Variants in ZNF35 observed in about 807,000 individuals in gnomAD.
ZNF35 encodes the protein zinc finger protein 35.
In ZNF35, 31 loss-of-function variants were observed where a neutral mutation model predicts 45.9. The ratio of observed to expected loss-of-function variants is 0.68; its 90% CI spans 0.51 to 0.91. The LOEUF (loss-of-function observed/expected upper bound fraction) is 0.91. Ranked by LOEUF, ZNF35 falls within the 40% of genes least tolerant of loss-of-function variation. ZNF35 has a pLI of 0.00. For missense variants in ZNF35, 515 were observed against 625.4 expected (o/e 0.82, Z 1.88); for synonymous variants, 205 against 220.2 (o/e 0.93, Z 0.61).
chr3:44,650,949 A>T lies in ZNF35; in HGVS notation c.-119A>T. 1.1e-6 allele frequency: 1 copy of T among 943,624 alleles called. No homozygotes were observed. The highest frequency in any genetic ancestry group is 1.6e-6 in the Non-Finnish European group (1 of 639,514). 58.5% of individuals were successfully genotyped at this position (943,624 alleles called of 1,614,324 possible). ...GTTTTCTGATTTCTCAGTAGGCAGT[A>T]CTCATCTTGGCCCTGGGAAGAAACT... On this transcript the variant is annotated 5_prime_UTR_variant, in exon 2 of 4. Coordinates refer to ENST00000396056, the MANE Select transcript of ZNF35 (RefSeq NM_003420.4).
chr3:44,655,954 T>G (rs1338880330), intron 3 of ZNF35, among the ~76,000 whole-genome samples: 1 of 152,218 alleles, frequency 6.6e-6, no homozygotes, highest in African/African-American at 2.4e-5. Flanking sequence ...AAAGTTTTCA[T>G]GGGCTCTGTT....
In ZNF35 at chr3:44,651,251, G is replaced by A. The variant is rs543753966; in HGVS notation, c.184G>A (p.Glu62Lys). The change falls in exon 2 of 4, where the codon GAA becomes AAA. Residue 62 changes from glutamate (E) to lysine (K), a missense_variant. Physicochemically the swap from Glu to Lys is moderately conservative, Grantham distance 56. This residue lies in a region of ZNF35 where 275 missense variants were observed against 295.7 expected (regional missense o/e 0.93). Coordinates refer to ENST00000396056, the MANE Select transcript of ZNF35 (RefSeq NM_003420.4). ...LQTGLDGSEEEEKGQNISWDM... is the reference protein window; with the variant it reads ...LQTGLDGSEEKEKGQNISWDM... Reference sequence around the variant, plus strand: ...GACAGGCCTTGATGGATCAGAAGAGGAAGAAAAGGTAAACGGGGGCCTGAG... The same window carrying A: ...GACAGGCCTTGATGGATCAGAAGAGAAAGAAAAGGTAAACGGGGGCCTGAG... 4.8e-5 allele frequency: 78 copies of A among 1,611,844 alleles called. No homozygotes were observed. In the South Asian group the frequency reaches 8.1e-4, roughly 17 times the overall value.
upstream of ZNF35, chr3:44,647,068 A>G (rs1490590516): frequency 2.6e-5 from 4 of 151,984 alleles, no homozygotes; most frequent in African/African-American, 9.7e-5. Flanking sequence ...GGGAAAAAAT[A>G]TTTGCAAATC....
At position 44,659,074 on chromosome 3, in the gene ZNF35, C is replaced by T. The variant is rs771002534; in HGVS notation, c.711C>T (p.Leu237=). ...CGKGFSQSAN[L]VVHQRIHTGE... ...AAGGATTTAGTCAGAGTGCAAACCT[C>T]GTTGTGCATCAGCGAATCCACACTG... The change falls in exon 4 of 4, where the codon CTC becomes CTT. Residue 237 remains leucine, a synonymous_variant. Transcript: ENST00000396056. This position sits in a 1 kb window ranked among gnomAD's most constrained non-coding sequence, Gnocchi z 4.3. 7.4e-6 allele frequency: 12 copies of T among 1,614,094 alleles called. No individual in the cohort carries two copies. Among genetic ancestry groups the T allele is most frequent in the East Asian group, 6.7e-5 (3 of 44,874 alleles).
chr3:44,653,014 G>A (rs6441863), intron 3 of ZNF35, among the ~76,000 whole-genome samples: 129,624 of 152,110 alleles, frequency 0.85, 55,302 homozygotes, highest in Middle Eastern at 0.93. Flanking sequence ...ATTTTACTAG[G>A]TGTTTATGTA....
At chr3:44,653,227 C>T (rs1397367785) in intron 3 of ZNF35, among the ~76,000 whole-genome samples, 2 of 152,146 alleles carry the variant, frequency 1.3e-5, no homozygotes, top group African/African-American at 4.8e-5. Context: ...CTTTAAGGCC[C>T]GCATTCCACT....
Position 44,659,887 on chromosome 3 carries a change from T to G in ZNF35, c.1524T>G (p.Gly508=). 6.2e-7 allele frequency: 1 copy of G among 1,601,200 alleles called. No individual in the cohort carries two copies. Among genetic ancestry groups the G allele is most frequent in the Non-Finnish European group, 8.5e-7 (1 of 1,173,490 alleles). Residue 508 remains glycine, a synonymous_variant, in exon 4 of 4, where the codon GGT becomes GGG. Transcript: ENST00000396056. This position sits in a 1 kb window ranked among gnomAD's most constrained non-coding sequence, Gnocchi z 4.3. ...GEKPYECEKC[G]AAFISNSHLM... ...AGCCCTATGAATGTGAGAAGTGTGG[T>G]GCAGCTTTCATTTCCAACTCACACC...
chr3:44,658,701 G>A lies in ZNF35; in HGVS notation c.338G>A (p.Gly113Asp), dbSNP rs773169032. ...TTGTATTTTCTGTTTCTTGGTTCAG[G>A]TGCTGAAACCAAGAACCTACAGTTA... ...LETHGTMNFL[G>D]AETKNLQLLV... The change falls in exon 4 of 4, where the codon GGT becomes GAT. Residue 113 changes from glycine to aspartate, a missense_variant and splice_region_variant. By Grantham distance (94) the Gly-to-Asp change is moderately conservative (BLOSUM62 -1). This residue lies in a region of ZNF35 where 275 missense variants were observed against 295.7 expected (regional missense o/e 0.93). Coordinates refer to ENST00000396056, the MANE Select transcript of ZNF35 (RefSeq NM_003420.4). The A allele has an allele frequency of 5.1e-5, 80 of 1,555,004 alleles. No individual in the cohort carries two copies. Among genetic ancestry groups the A allele is most frequent in the Non-Finnish European group, 6.7e-5 (78 of 1,159,712 alleles).
At position 44,649,587 on chromosome 3, in the gene ZNF35, A is replaced by G. The variant is rs74733381; in HGVS notation, c.-128+753A>G. 8.8e-3 allele frequency among the ~76,000 whole-genome samples: 1,343 copies of G among 152,332 alleles called. 22 individuals are homozygous for G. Among genetic ancestry groups the G allele is most frequent in the African/African-American group, 0.031 (1,285 of 41,574 alleles). On this transcript the variant is annotated intron_variant, in intron 1 of 3. Coordinates refer to ENST00000396056, the MANE Select transcript of ZNF35 (RefSeq NM_003420.4). ...AACCCTGCTGGCTTAGCTGTGATAA[A>G]GGGTTACTGTCAATTAGTGGGGGTG...
chr3:44,659,404 A>G lies in ZNF35; in HGVS notation c.1041A>G (p.Ser347=), dbSNP rs752520734. The G allele has an allele frequency of 3.7e-6, 6 of 1,611,796 alleles. No homozygotes were observed. The East Asian group carries it at 1.3e-4, about 36-fold the overall frequency. ...NECGKTFTRS[S]NLIVHQRIHT... is the part of the protein sequence containing the mutation. The stretch of plus-strand genomic sequence containing the variant: ...GTGGGAAAACATTTACTAGGAGCTC[A>G]AACCTCATTGTCCACCAGAGGATCC... Residue 347 remains serine, a synonymous_variant, in exon 4 of 4, where the codon TCA becomes TCG. Transcript: ENST00000396056. This position sits in a 1 kb window ranked among gnomAD's most constrained non-coding sequence, Gnocchi z 4.3.
At chr3:44,656,383 A>G (rs1192041308) in intron 3 of ZNF35, among the ~76,000 whole-genome samples, 2 of 148,130 alleles carry the variant, frequency 1.4e-5, no homozygotes. Context: ...GAAAAAGTTT[A>G]GCATTTCAGA....
rs1456341522 is a variant in ZNF35, at chr3:44,659,893, T to G, written c.1530T>G (p.Ala510=). ...KPYECEKCGA[A]FISNSHLMRH... is the part of the protein sequence containing the mutation. Reference sequence around the variant, plus strand: ...ATGAATGTGAGAAGTGTGGTGCAGCTTTCATTTCCAACTCACACCTCATGC... The same window carrying G: ...ATGAATGTGAGAAGTGTGGTGCAGCGTTCATTTCCAACTCACACCTCATGC... The change falls in exon 4 of 4, where the codon GCT becomes GCG. Residue 510 remains alanine (A), a synonymous_variant. Transcript: ENST00000396056. This position sits in a 1 kb window ranked among gnomAD's most constrained non-coding sequence, Gnocchi z 4.3. The G allele has an allele frequency of 6.3e-7, 1 of 1,598,120 alleles. No individual in the cohort carries two copies. The highest frequency in any genetic ancestry group is 1.1e-5 in the South Asian group (1 of 88,658).
At position 44,659,010 on chromosome 3, in the gene ZNF35, A is replaced by T. The variant is rs1480630264; in HGVS notation, c.647A>T (p.Gln216Leu). 6.2e-7 allele frequency: 1 copy of T among 1,614,254 alleles called. No homozygotes were observed. The highest frequency in any genetic ancestry group is 8.5e-7 in the Non-Finnish European group (1 of 1,180,046). Residue 216 changes from glutamine (Q) to leucine (L), a missense_variant, in exon 4 of 4, where the codon CAG (glutamine) becomes CTG (leucine). Gln to Leu is a moderately radical substitution (Grantham distance 113). Coordinates refer to ENST00000396056, the MANE Select transcript of ZNF35 (RefSeq NM_003420.4). The surrounding 1 kb of genome is among the most constrained non-coding windows in gnomAD (Gnocchi z 4.3). ...GGCGCTGTTAAAAATCCAAAAACCC[A>T]GCTTGGACAAAAGCCTTTTACGTGT... ...NSGAVKNPKT[Q>L]LGQKPFTCSV...
chr3:44,647,264 TATCAC>T (rs1279650379), upstream of ZNF35: 2 of 151,616 alleles, frequency 1.3e-5, no homozygotes, highest in Admixed American at 6.6e-5. Flanking sequence ...AATCGTGAGA[TATCAC>T]CTATCAGAAT....
intron 3 of ZNF35, 114 bp downstream of exon 3, chr3:44,652,815 A>C: frequency 8.8e-7 from 1 of 1,142,732 alleles, no homozygotes; most frequent in Non-Finnish European, 1.2e-6. Context: ...GAGGTATTGA[A>C]AGTGTCCAGG....
intron 3 of ZNF35, among the ~76,000 whole-genome samples, chr3:44,654,821 A>C (rs563284048): frequency 6.6e-6 from 1 of 152,198 alleles, no homozygotes; most frequent in Non-Finnish European, 1.5e-5. Context: ...TTAAGCTTCA[A>C]ATTTTACAGA....
At chr3:44,652,376 C>A in intron 2 of ZNF35, among the ~76,000 whole-genome samples, 181 bp from the exon 3 acceptor site, 1 of 152,120 alleles carries the variant, frequency 6.6e-6, no homozygotes, top group East Asian at 1.9e-4. Flanking sequence ...AAGAAAGTAG[C>A]TAGCTTGTTT....
chr3:44,660,012 C>T lies in ZNF35; in HGVS notation c.*65C>T. The T allele has an allele frequency of 6.8e-7, 1 of 1,462,110 alleles. No individual in the cohort carries two copies. The highest frequency in any genetic ancestry group is 1.5e-5 in the South Asian group (1 of 65,098). 90.6% of individuals were successfully genotyped at this position (1,462,110 alleles called of 1,614,324 possible). ...CTTCTGCCTCCCTAATGAGACACCT[C>T]TTTGCTGTTTTCTTCCTCCTCTATA... On this transcript the variant is annotated 3_prime_UTR_variant, in exon 4 of 4. Transcript: ENST00000396056.
chr3:44,652,226 C>T (rs1703217883), intron 2 of ZNF35, among the ~76,000 whole-genome samples: 1 of 152,088 alleles, frequency 6.6e-6, no homozygotes, highest in Non-Finnish European at 1.5e-5. Flanking sequence ...TCATCAAAAC[C>T]TTGCTGCTTT....
Sources: gnomAD v4.1 joint callset for allele counts (sites outside exome capture counted in the v4.1 genomes callset) on GRCh38, gnomAD v4.1.1 for gene constraint, gnomAD v4.1.1 regional missense constraint, Gnocchi (gnomAD v3.1) non-coding constraint, MANE v1.5 for transcripts, NCBI Gene and HGNC (gene_info 2026-07-23, HGNC 2026-07-21) for gene names.